Variants in MSH3 observed in about 807,000 individuals in gnomAD.
The protein encoded by MSH3 is DNA mismatch repair protein Msh3.
Under a neutral mutation model 123.3 loss-of-function variants are expected in MSH3, and 106 were observed. The ratio of observed to expected loss-of-function variants is 0.86; its 90% CI spans 0.73 to 1.01. The LOEUF is 1.01. Among genes scored for constraint, MSH3 ranks in the 50% least tolerant of loss-of-function variants. MSH3 has a pLI of 0.00. For synonymous variants in MSH3, 515 were observed against 481.4 expected (o/e 1.07, Z -0.91); for missense variants, 1,459 against 1,347.6 (o/e 1.08, Z -1.29).
At chr5:80,761,729 A>C (rs774898589) in intron 13 of MSH3, 51 bp downstream of exon 13, 1 of 1,605,694 alleles carries the variant, frequency 6.2e-7, no homozygotes, top group Non-Finnish European at 8.5e-7. Flanking sequence ...CAGCTTGAGG[A>C]CACTATATAT....
At chr5:80,862,118 TGAG>T (rs1488188174) in intron 21 of MSH3, among the ~76,000 whole-genome samples, 5 of 152,044 alleles carry the variant, frequency 3.3e-5, no homozygotes, top group African/African-American at 9.7e-5. Context: ...AGAACAGCCT[TGAG>T]GAGCACAGTG....
At chr5:80,675,238 TAATTATAC>T in intron 7 of MSH3, 110 bp downstream of exon 7, 1 of 1,216,526 alleles carries the variant, frequency 8.2e-7, no homozygotes, top group Non-Finnish European at 1.2e-6. Flanking sequence ...TACCTTCAGA[TAATTATAC>T]AAGAAAAACA....
chr5:80,660,330 A>G (rs1368888004), intron 2 of MSH3, among the ~76,000 whole-genome samples: 2 of 152,146 alleles, frequency 1.3e-5, no homozygotes, highest in Non-Finnish European at 2.9e-5. Flanking sequence ...TAAACCCATC[A>G]GATTTCATGA....
intron 8 of MSH3, among the ~76,000 whole-genome samples, chr5:80,685,798 C>A (rs768003449): frequency 6.1e-4 from 92 of 152,028 alleles, no homozygotes; most frequent in Non-Finnish European, 1.1e-3. Context: ...TAGCTATAAA[C>A]TTCCCTCTTA....
intron 12 of MSH3, among the ~76,000 whole-genome samples, chr5:80,749,186 C>T (rs937595967): frequency 6.6e-6 from 1 of 152,156 alleles, no homozygotes; most frequent in Non-Finnish European, 1.5e-5. Flanking sequence ...AGGCTGTCTG[C>T]ACGCTGAGGG....
intron 20 of MSH3, among the ~76,000 whole-genome samples, chr5:80,827,029 A>T (rs979226780): frequency 6.6e-6 from 1 of 152,214 alleles, no homozygotes; most frequent in African/African-American, 2.4e-5. Flanking sequence ...TCCAAGGATC[A>T]TTAACATCCT....
chr5:80,778,424 T>C (rs931041394), intron 16 of MSH3, among the ~76,000 whole-genome samples: 18 of 152,176 alleles, frequency 1.2e-4, no homozygotes, highest in Admixed American at 1.0e-3. Flanking sequence ...TTAAAGAGCA[T>C]TTTCACTTAG....
chr5:80,675,043 C>A lies in MSH3; in HGVS notation c.1088C>A (p.Thr363Asn), dbSNP rs562793293. Residue 363 changes from threonine (T) to asparagine (N), a missense_variant, in exon 7 of 24, where the codon ACT becomes AAT. By Grantham distance (65) the Thr-to-Asn change is moderately conservative. Coordinates refer to ENST00000265081, the MANE Select transcript of MSH3 (RefSeq NM_002439.5). ...AVNVDEIMTD[T>N]STSYLLCISE... ...AATGTTGATGAGATAATGACTGATACTTCTACCAGCTATCTTCTGTGCATC... is the reference window on the plus strand; with the variant it reads ...AATGTTGATGAGATAATGACTGATAATTCTACCAGCTATCTTCTGTGCATC... 1.5e-5 allele frequency: 24 copies of A among 1,613,106 alleles called. No individual in the cohort carries two copies. The highest frequency in any genetic ancestry group is 2.0e-5 in the Non-Finnish European group (24 of 1,179,326).
intron 21 of MSH3, among the ~76,000 whole-genome samples, chr5:80,860,560 T>C (rs1745998545): frequency 6.6e-6 from 1 of 151,692 alleles, no homozygotes; most frequent in African/African-American, 2.4e-5. Context: ...GGATAAGGTG[T>C]TTCTTCCCTC....
chr5:80,663,780 T>C (rs553902924), intron 2 of MSH3, among the ~76,000 whole-genome samples: 1 of 138,648 alleles, frequency 7.2e-6, no homozygotes, highest in African/African-American at 2.7e-5. Context: ...AATTTTAAAC[T>C]ATTTTTTTTG....
intron 18 of MSH3, among the ~76,000 whole-genome samples, chr5:80,790,191 C>A (rs1023360991): frequency 2.6e-5 from 4 of 152,104 alleles, no homozygotes; most frequent in African/African-American, 7.2e-5. Flanking sequence ...TTCATTGCAT[C>A]ATCGTTTATA....
rs772266495 is a variant in MSH3 at position 80,654,868 on chromosome 5, G to A, written c.141G>A (p.Val47=). The change falls in exon 1 of 24, where the codon GTG becomes GTA. Residue 47 remains valine, a synonymous_variant. Transcript: ENST00000265081. Reference sequence around the variant, plus strand: ...CCTCCACAGGTGCAGCCGACCAGGTGGACCCTGGCGCTGCAGCGGCTGCAG... The same window carrying A: ...CCTCCACAGGTGCAGCCGACCAGGTAGACCCTGGCGCTGCAGCGGCTGCAG... ...TSSSTGAADQ[V]DPGAAAAAAA... is the part of the protein sequence containing the mutation. 2.4e-5 allele frequency: 39 copies of A among 1,601,360 alleles called. No individual in the cohort carries two copies. The highest frequency in any genetic ancestry group is 3.2e-5 in the Non-Finnish European group (38 of 1,175,112).
At chr5:80,786,049 G>A (rs1243719294) in intron 17 of MSH3, among the ~76,000 whole-genome samples, 3 of 151,914 alleles carry the variant, frequency 2.0e-5, no homozygotes, top group African/African-American at 4.8e-5. Context: ...GCTAGATGAC[G>A]AGTTAGTGGG....
At chr5:80,679,133 A>G (rs1372251243) in intron 8 of MSH3, 40 bp downstream of exon 8, 1 of 1,602,622 alleles carries the variant, frequency 6.2e-7, no homozygotes, top group South Asian at 1.1e-5. Context: ...CCGATTCTGA[A>G]ACTTAGGTTT....
At chr5:80,834,622 G>T (rs2112082743) in intron 20 of MSH3, among the ~76,000 whole-genome samples, 1 of 121,230 alleles carries the variant, frequency 8.2e-6, no homozygotes, top group East Asian at 2.4e-4. Flanking sequence ...TATATTTTTA[G>T]TTTAAATACT....
intron 22 of MSH3, among the ~76,000 whole-genome samples, chr5:80,872,267 C>T (rs1053852845): frequency 6.6e-6 from 1 of 151,738 alleles, no homozygotes; most frequent in Non-Finnish European, 1.5e-5. Flanking sequence ...CCCAGAAGTT[C>T]GAGAGCAGCC....
chr5:80,828,607 G>A (rs1745361745), intron 20 of MSH3, among the ~76,000 whole-genome samples: 2 of 152,166 alleles, frequency 1.3e-5, no homozygotes, highest in Non-Finnish European at 2.9e-5. Flanking sequence ...TCATCTTGAG[G>A]TAAATTTCTT....
In MSH3 at chr5:80,654,905, G is replaced by GCGC. The variant is rs1554066077; in HGVS notation, c.179_180insGCC (p.Ala60_Ala61insPro). 1.3e-4 allele frequency: 195 copies of GCGC among 1,494,434 alleles called. 1 individual carries two copies. In the African/African-American group the frequency reaches 2.9e-3, roughly 22 times the overall value. The allele number at this position is 1,494,434 out of a possible 1,614,324, so 92.6% of individuals were successfully genotyped here. Reference sequence around the variant, plus strand: ...TGCAGCGGCTGCAGCGGCCGCAGCGGCCGCAGCGCCCCCAGCGCCCCCAGC... The same window carrying GCGC: ...TGCAGCGGCTGCAGCGGCCGCAGCGGCGCCCGCAGCGCCCCCAGCGCCCCCAGC... On this transcript the variant is annotated inframe_insertion, in exon 1 of 24. Transcript: ENST00000265081.
chr5:80,694,896 A>ATTT (rs35665355), intron 8 of MSH3, among the ~76,000 whole-genome samples: 20 of 135,682 alleles, frequency 1.5e-4, no homozygotes, highest in South Asian at 4.6e-4. Context: ...GCTGTCAAGA[A>ATTT]TTTTTTTTTT....
Sources: allele counts gnomAD v4.1 joint callset (sites outside exome capture counted in the v4.1 genomes callset), GRCh38; gene constraint gnomAD v4.1.1; transcripts MANE v1.5; gene names NCBI Gene and HGNC (gene_info 2026-07-23, HGNC 2026-07-21).